Variants in CEP290 observed in about 807,000 individuals in gnomAD.
CEP290 encodes centrosomal protein of 290 kDa.
A neutral mutation model predicts 344.9 loss-of-function variants in CEP290; 317 were observed. That is an observed-to-expected ratio of 0.92 (90% CI 0.84 to 1.01). The LOEUF is 1.01. Among genes scored for constraint, CEP290 ranks in the 50% least tolerant of loss-of-function variants. The probability of loss-of-function intolerance (pLI) is 0.00; values close to 1 mark genes in which losing one functional copy is unlikely to be tolerated. For synonymous variants in CEP290, 932 were observed against 895.8 expected (o/e 1.04, Z -0.72); for missense variants, 2,754 against 2,761.4 (o/e 1.00, Z 0.06).
intron 44 of CEP290, among the ~76,000 whole-genome samples, chr12:88,064,479 C>CCTCCA (rs2034742906): frequency 1.3e-5 from 2 of 151,970 alleles, no homozygotes; most frequent in South Asian, 4.1e-4. Context: ...TTCCCCTTAC[C>CCTCCA]CTCCACATTT....
Position 88,049,420 on chromosome 12 carries a change from G to T in CEP290, c.7210-6C>A. 7.6e-7 allele frequency: 1 copy of T among 1,311,854 alleles called. No individual in the cohort carries two copies. The highest frequency in any genetic ancestry group is 1.4e-5 in the South Asian group (1 of 73,298). The allele number at this position is 1,311,854 out of a possible 1,614,324, so 81.3% of individuals were successfully genotyped here. A position where few individuals can be genotyped will look rare whatever the true frequency, so the allele number is the denominator to read the frequency against. Reference sequence around the variant, plus strand: ...TTCAGCTTCTTTATTTCCTCCTAATGGAAACATTATCTTTAAAAGTTGCAT... The same window carrying T: ...TTCAGCTTCTTTATTTCCTCCTAATTGAAACATTATCTTTAAAAGTTGCAT... On this transcript the variant is annotated splice_region_variant and splice_polypyrimidine_tract_variant and intron_variant, in intron 53 of 53. Coordinates refer to ENST00000552810, the MANE Select transcript of CEP290 (RefSeq NM_025114.4).
At position 88,077,746 on chromosome 12, in the gene CEP290, T is replaced by C; in HGVS notation, c.5537A>G (p.Glu1846Gly). ...AATTTGCCTTTTCAGTTCATCATTC[T>C]CTTGATCAATTTCCTCTTTCTCTCT... ...ILREKEEIDQ[E>G]NDELKRQIKR... is the part of the protein sequence containing the mutation. Residue 1846 changes from glutamate to glycine, a missense_variant, in exon 40 of 54, where the codon GAG becomes GGG. Glu to Gly is a moderately conservative substitution (Grantham distance 98, BLOSUM62 -2). Coordinates refer to ENST00000552810, the MANE Select transcript of CEP290 (RefSeq NM_025114.4). 1.3e-6 allele frequency: 2 copies of C among 1,581,356 alleles called. No homozygotes were observed. The highest frequency in any genetic ancestry group is 1.7e-6 in the Non-Finnish European group (2 of 1,166,872).
chr12:88,102,568 A>G (rs1409139866), intron 26 of CEP290, among the ~76,000 whole-genome samples: 1 of 152,192 alleles, frequency 6.6e-6, no homozygotes, highest in East Asian at 1.9e-4. Context: ...CAGCTAAATC[A>G]TGCAAGTGAC....
In CEP290 at chr12:88,117,699, A is replaced by C. The variant is rs770392044; in HGVS notation, c.1712-554T>G. Among the ~76,000 whole-genome samples the C allele has an allele frequency of 2.0e-5, 3 of 152,326 alleles. No individual in the cohort carries two copies. The East Asian group carries it at 5.8e-4, about 29-fold the overall frequency. On this transcript the variant is annotated intron_variant, in intron 17 of 53. Transcript: ENST00000552810. ...CTCAAGTAAAATAAACCCAAGAAAGATGTTAATTTATATTCAATAAAACAT... is the reference window on the plus strand; with the variant it reads ...CTCAAGTAAAATAAACCCAAGAAAGCTGTTAATTTATATTCAATAAAACAT...
intron 43 of CEP290, 101 bp from the exon 44 acceptor site, chr12:88,068,746 T>C (rs2035140677): frequency 8.8e-7 from 1 of 1,130,362 alleles, no homozygotes; most frequent in Non-Finnish European, 1.2e-6. Context: ...TCAGTGTGTT[T>C]ATTAACACTA....
chr12:88,118,469 A>G lies in CEP290; in HGVS notation c.1711+14T>C, dbSNP rs1337614963. 1.9e-6 allele frequency: 3 copies of G among 1,539,258 alleles called. No homozygotes were observed. The East Asian group carries it at 7.3e-5, about 37-fold the overall frequency. On this transcript the variant is annotated intron_variant, in intron 17 of 53. Transcript: ENST00000552810. ...CAATAATTCTTTTTAAAGGTTTAGA[A>G]TAACTGAGTATACCTGAAGTTGCAC...
In CEP290 at chr12:88,118,623, C is replaced by T. The variant is rs1421443209; in HGVS notation, c.1623+20G>A. On this transcript the variant is annotated intron_variant, in intron 16 of 53. Transcript: ENST00000552810. ...TCTATAGTTCAGCCAAGAAAATAAT[C>T]AACTGACTACCACACTTGCCTCTTT... 6.2e-7 allele frequency: 1 copy of T among 1,610,552 alleles called. No homozygotes were observed. The highest frequency in any genetic ancestry group is 8.5e-7 in the Non-Finnish European group (1 of 1,177,506).
rs1555212271 is a variant in CEP290, at chr12:88,093,955, T to TA, written c.3123dup (p.Lys1042Ter). 24 of 1,610,296 alleles carry TA rather than the reference T, an allele frequency of 1.5e-5. No individual in the cohort carries two copies. The highest frequency in any genetic ancestry group is 1.9e-5 in the Non-Finnish European group (22 of 1,178,534). On this transcript the variant is annotated frameshift_variant, in exon 28 of 54. Transcript: ENST00000552810. LOFTEE classifies it high-confidence loss of function. Reference sequence around the variant, plus strand: ...CTGTTGGTTATTGATTTCTTTGCCTTATCCATGCTAGATTCATTACCTACA... The same window carrying TA: ...CTGTTGGTTATTGATTTCTTTGCCTTAATCCATGCTAGATTCATTACCTACA...
chr12:88,073,039 C>A (rs2035501057), intron 41 of CEP290, among the ~76,000 whole-genome samples: 1 of 152,108 alleles, frequency 6.6e-6, no homozygotes, highest in Admixed American at 6.6e-5. Context: ...CTATCCAATG[C>A]AGAATAGTCT....
intron 37 of CEP290, among the ~76,000 whole-genome samples, chr12:88,082,343 T>C (rs1049080214): frequency 3.9e-5 from 6 of 152,348 alleles, no homozygotes; most frequent in African/African-American, 1.2e-4. Context: ...ACGGTATAAT[T>C]TGACCTTCAT....
rs147837573 is a variant in CEP290, at chr12:88,101,770, C to G, written c.2991+1068G>C. On this transcript the variant is annotated intron_variant, in intron 26 of 53. Coordinates refer to ENST00000552810, the MANE Select transcript of CEP290 (RefSeq NM_025114.4). ...TCCACAAGATGTCTCTTGCCTAGGACTTTCTAATGCTGGAGAGGATAGGAC... is the reference window on the plus strand; with the variant it reads ...TCCACAAGATGTCTCTTGCCTAGGAGTTTCTAATGCTGGAGAGGATAGGAC... 3.4e-3 allele frequency among the ~76,000 whole-genome samples: 511 copies of G among 152,034 alleles called. 4 individuals are homozygous for G. The highest frequency in any genetic ancestry group is 0.01 in the Middle Eastern group (3 of 292).
At position 88,139,159 on chromosome 12, in the gene CEP290, C is replaced by A. The variant is rs865927858; in HGVS notation, c.283G>T (p.Glu95Ter). The A allele has an allele frequency of 8.3e-7, 1 of 1,200,786 alleles. No individual in the cohort carries two copies. The highest frequency in any genetic ancestry group is 1.8e-5 in the South Asian group (1 of 57,068). The allele number at this position is 1,200,786 out of a possible 1,614,324, so 74.4% of individuals were successfully genotyped here. A position where few individuals can be genotyped will look rare whatever the true frequency, so the allele number is the denominator to read the frequency against. Residue 95 changes from glutamate to a stop codon, truncating the protein, a stop_gained, in exon 5 of 54, where the codon GAA becomes TAA. Transcript: ENST00000552810. LOFTEE classifies it high-confidence loss of function. ...AAAAGACATACCTCCAGTTCATTTT[C>A]CAGTTTCATTACTTTAGTTTTTAAT... ...NQLKTKVMKLENELEMAQQSA... is the reference protein window; with the variant it reads ...NQLKTKVMKL
At chr12:88,064,710 A>G (rs1436483130) in intron 44 of CEP290, among the ~76,000 whole-genome samples, 1 of 152,160 alleles carries the variant, frequency 6.6e-6, no homozygotes, top group African/African-American at 2.4e-5. Flanking sequence ...TTTATAAGCC[A>G]AGGAGAGAGG....
chr12:88,121,205 A>G (rs755499807), intron 13 of CEP290, 39 bp from the exon 14 acceptor site: 15 of 1,497,890 alleles, frequency 1.0e-5, no homozygotes, highest in African/African-American at 1.4e-5. Context: ...TGAATTGACT[A>G]CTTATTCCTT....
intron 52 of CEP290, among the ~76,000 whole-genome samples, chr12:88,052,158 T>A (rs898806761): frequency 1.3e-5 from 2 of 152,196 alleles, no homozygotes; most frequent in Non-Finnish European, 2.9e-5. Flanking sequence ...AAATTAGTAA[T>A]AGGACTACAT....
At position 88,111,231 on chromosome 12, in the gene CEP290, G is replaced by T; in HGVS notation, c.2338C>A (p.Gln780Lys). 7.1e-7 allele frequency: 1 copy of T among 1,418,388 alleles called. No individual in the cohort carries two copies. The highest frequency in any genetic ancestry group is 2.8e-5 in the East Asian group (1 of 35,638). 87.9% of individuals were successfully genotyped at this position (1,418,388 alleles called of 1,614,324 possible). The change falls in exon 22 of 54, where the codon CAG becomes AAG. Residue 780 changes from glutamine (Q) to lysine (K), a missense_variant. Gln to Lys is a moderately conservative substitution (Grantham distance 53). Transcript: ENST00000552810. ...AACAAATGTATTAAATATTCATTCT[G>T]AGAATTAATGATACTGGCACTAGAT... ...APSSASIINS[Q>K]NEYLIHLLQE...
intron 27 of CEP290, among the ~76,000 whole-genome samples, chr12:88,095,104 C>G (rs1202604876): frequency 1.3e-5 from 2 of 152,104 alleles, no homozygotes; most frequent in East Asian, 3.9e-4. Context: ...AAGACTCATT[C>G]AAGTAACCTT....
intron 23 of CEP290, among the ~76,000 whole-genome samples, chr12:88,108,767 A>T (rs574707029): frequency 6.6e-6 from 1 of 152,336 alleles, no homozygotes; most frequent in Admixed American, 6.5e-5. Flanking sequence ...ATTACTTACA[A>T]AGTAACTTAC....
At chr12:88,114,308 A>G (rs2038905983) in intron 20 of CEP290, 112 bp downstream of exon 20, 3 of 821,860 alleles carry the variant, frequency 3.7e-6, no homozygotes, top group South Asian at 4.7e-5. Context: ...ACAGGGAAAC[A>G]ATGATTCAAA....
Sources: gnomAD v4.1 joint callset for allele counts (sites outside exome capture counted in the v4.1 genomes callset) on GRCh38, gnomAD v4.1.1 for gene constraint, MANE v1.5 for transcripts, NCBI Gene and HGNC (gene_info 2026-07-23, HGNC 2026-07-21) for gene names.